The following KALRN variants were observed in gnomAD, a reference collection of about 807,000 sequenced individuals.
KALRN encodes the protein kalirin RhoGEF kinase.
Under a neutral mutation model 353.7 loss-of-function variants are expected in KALRN, and 70 were observed. The observed-to-expected ratio is 0.20, with a 90% confidence interval of 0.16 to 0.24. The LOEUF (loss-of-function observed/expected upper bound fraction) is 0.24, where lower values mean the gene tolerates loss of function less well. KALRN is among the 10% of genes least tolerant of loss of function. The pLI, the probability that KALRN is intolerant of heterozygous loss-of-function variation, is 1.00. For synonymous variants in KALRN, 1,391 were observed against 1,434.8 expected, an observed-to-expected ratio of 0.97 and a Z score of 0.69; for missense variants, 2,791 against 3,756.7, an observed-to-expected ratio of 0.74 and a Z score of 6.72.
At chr3:124,053,341 C>T (rs1291187528) in intron 1 of KALRN, among the ~76,000 whole-genome samples, 4 of 152,170 alleles carry the variant, frequency 2.6e-5, no homozygotes, top group South Asian at 2.1e-4. Context: ...TAGGAAACTA[C>T]TGAAATATAG....
At chr3:124,632,857 A>T (rs1175553409) in intron 35 of KALRN, among the ~76,000 whole-genome samples, 154 bp downstream of exon 35, 2 of 152,224 alleles carry the variant, frequency 1.3e-5, no homozygotes, top group African/African-American at 4.8e-5. Flanking sequence ...GACATTGGCC[A>T]GTTTGATTTG....
rs180715132 is a variant in KALRN at position 124,384,240 on chromosome 3, A to G, written c.1771-605A>G. 2.8e-3 allele frequency among the ~76,000 whole-genome samples: 432 copies of G among 152,148 alleles called. 4 individuals are homozygous for G. The highest frequency in any genetic ancestry group is 1.0e-2 in the African/African-American group (414 of 41,502). On this transcript the variant is annotated intron_variant, in intron 10 of 59. Transcript: ENST00000682506. Reference sequence around the variant, plus strand: ...AACAAAATCACCAGACTCTTCCCCAACCTTCCTGCAAACATTCCCTGGGCC... The same window carrying G: ...AACAAAATCACCAGACTCTTCCCCAGCCTTCCTGCAAACATTCCCTGGGCC...
intron 10 of KALRN, among the ~76,000 whole-genome samples, chr3:124,372,004 A>G (rs186714845): frequency 1.3e-5 from 2 of 152,082 alleles, no homozygotes; most frequent in African/African-American, 4.8e-5. Flanking sequence ...AGTTCTATTG[A>G]TTTGATTTTT....
At chr3:124,530,835 C>T (rs1013488785) in intron 33 of KALRN, among the ~76,000 whole-genome samples, 2 of 152,108 alleles carry the variant, frequency 1.3e-5, no homozygotes, top group Admixed American at 6.6e-5. Flanking sequence ...TCAAAGTTCC[C>T]GGACTCCTAC....
At chr3:124,058,542 C>G (rs1295230598) in intron 1 of KALRN, among the ~76,000 whole-genome samples, 1 of 152,126 alleles carries the variant, frequency 6.6e-6, no homozygotes, top group Non-Finnish European at 1.5e-5. Flanking sequence ...CTCCAATTAC[C>G]TTTTTCTTCT....
chr3:124,577,079 T>C (rs2713642), intron 34 of KALRN, among the ~76,000 whole-genome samples: 101,331 of 151,980 alleles, frequency 0.67, 34,905 homozygotes, highest in African/African-American at 0.84. Flanking sequence ...TTGCCAGCAG[T>C]TCTTCCTCTC....
chr3:124,127,103 C>T (rs1274893414), intron 1 of KALRN, among the ~76,000 whole-genome samples: 6 of 152,192 alleles, frequency 3.9e-5, no homozygotes, highest in African/African-American at 1.4e-4. Flanking sequence ...AGAGATCACC[C>T]TTCATAAATT....
intron 1 of KALRN, among the ~76,000 whole-genome samples, chr3:124,147,886 A>G (rs1268326399): frequency 1.3e-5 from 2 of 152,238 alleles, no homozygotes; most frequent in East Asian, 3.8e-4. Flanking sequence ...TGTGAGGCAC[A>G]CAGTTGATCC....
intron 34 of KALRN, among the ~76,000 whole-genome samples, chr3:124,627,783 A>G (rs13071977): frequency 0.14 from 20,830 of 152,232 alleles, 1,557 homozygotes; most frequent in Non-Finnish European, 0.16. Flanking sequence ...CACTTCAGAA[A>G]CAATGTCAAC....
intron 10 of KALRN, among the ~76,000 whole-genome samples, chr3:124,383,338 G>A (rs1299917396): frequency 6.6e-6 from 1 of 152,214 alleles, no homozygotes; most frequent in East Asian, 1.9e-4. Flanking sequence ...ACGAGACTGT[G>A]ACTTAGATAA....
At chr3:124,495,646 G>A (rs1464515205) in intron 32 of KALRN, among the ~76,000 whole-genome samples, 2 of 149,378 alleles carry the variant, frequency 1.3e-5, no homozygotes, top group African/African-American at 4.9e-5. Context: ...GCTGAGGCAG[G>A]AGGATCACTT....
At chr3:124,111,173 T>A (rs1205644413) in intron 1 of KALRN, among the ~76,000 whole-genome samples, 1 of 152,196 alleles carries the variant, frequency 6.6e-6, no homozygotes, top group Non-Finnish European at 1.5e-5. Context: ...GAAAAGACCA[T>A]CTTAGAACCC....
chr3:124,124,085 A>T (rs1284862456), intron 1 of KALRN, among the ~76,000 whole-genome samples: 1 of 152,198 alleles, frequency 6.6e-6, no homozygotes, highest in Non-Finnish European at 1.5e-5. Context: ...TATTGCTGCC[A>T]TAGATAGTGA....
At chr3:124,517,054 G>A (rs1208167038) in intron 33 of KALRN, among the ~76,000 whole-genome samples, 1 of 152,118 alleles carries the variant, frequency 6.6e-6, no homozygotes, top group African/African-American at 2.4e-5. Flanking sequence ...CTGATCTCGT[G>A]ATCCGCCCTC....
intron 1 of KALRN, among the ~76,000 whole-genome samples, chr3:124,099,594 A>G (rs2061696901): frequency 6.6e-6 from 1 of 152,128 alleles, no homozygotes; most frequent in Non-Finnish European, 1.5e-5. Flanking sequence ...GGATTGCTGG[A>G]TTGTATAGTA....
intron 33 of KALRN, among the ~76,000 whole-genome samples, chr3:124,553,014 C>T (rs2070742307): frequency 6.6e-6 from 1 of 152,208 alleles, no homozygotes. Context: ...GATCTGCCTA[C>T]CTCGGCCTCC....
intron 34 of KALRN, among the ~76,000 whole-genome samples, chr3:124,622,225 T>C (rs2079357954): frequency 6.6e-6 from 1 of 152,168 alleles, no homozygotes; most frequent in Non-Finnish European, 1.5e-5. Context: ...CTCTGTAAAT[T>C]GTTAGTGGAT....
In KALRN at chr3:124,523,708, A is replaced by G. The variant is rs186718401; in HGVS notation, c.4935+27295A>G. Among the ~76,000 whole-genome samples, 11 of 152,290 alleles carry G rather than the reference A, an allele frequency of 7.2e-5. No individual in the cohort carries two copies. The East Asian group carries it at 1.9e-3, about 27-fold the overall frequency. On this transcript the variant is annotated intron_variant, in intron 33 of 59. Transcript: ENST00000682506. ...TAAATCTACCTACCCCTCCACAAAAAATGGAAATGAAGCATAAAATCCTTT... is the reference window on the plus strand; with the variant it reads ...TAAATCTACCTACCCCTCCACAAAAGATGGAAATGAAGCATAAAATCCTTT...
At chr3:124,705,233 A>G (rs1456325308) in intron 57 of KALRN, among the ~76,000 whole-genome samples, 4 of 152,220 alleles carry the variant, frequency 2.6e-5, no homozygotes, top group Non-Finnish European at 4.4e-5. Flanking sequence ...ACAGGCATCT[A>G]TCTTCACTTC....
Sources: gnomAD v4.1 joint callset for allele counts (sites outside exome capture counted in the v4.1 genomes callset) on GRCh38, gnomAD v4.1.1 for gene constraint, MANE v1.5 for transcripts, NCBI Gene and HGNC (gene_info 2026-07-23, HGNC 2026-07-21) for gene names.